Variants in SPAG16 observed in about 807,000 individuals in gnomAD.
SPAG16 encodes the protein sperm-associated antigen 16 protein.
A neutral mutation model predicts 80.4 loss-of-function variants in SPAG16; 86 were observed. That is an observed-to-expected ratio of 1.07 (90% CI 0.90 to 1.28). SPAG16 has a LOEUF of 1.28. SPAG16 is among the 50% of genes most tolerant of loss of function. The pLI is 0.00. For missense variants in SPAG16, 870 were observed against 765.3 expected (o/e 1.14, Z -1.61); for synonymous variants, 294 against 265.9 (o/e 1.11, Z -1.03).
chr2:213,509,464 T>C (rs1200190448), intron 10 of SPAG16, among the ~76,000 whole-genome samples: 2 of 152,212 alleles, frequency 1.3e-5, no homozygotes, highest in East Asian at 3.8e-4. Context: ...CAGTTTTATT[T>C]ATCTACCCAT....
At chr2:213,992,840 T>C (rs2046349891) in intron 12 of SPAG16, among the ~76,000 whole-genome samples, 2 of 152,220 alleles carry the variant, frequency 1.3e-5, no homozygotes, top group South Asian at 4.1e-4. Context: ...GTTGGCCTTA[T>C]AATACAGATG....
At chr2:214,105,273 G>A (rs77893936) in intron 13 of SPAG16, among the ~76,000 whole-genome samples, 1,574 of 152,238 alleles carry the variant, frequency 0.01, 23 homozygotes, top group African/African-American at 0.035. Flanking sequence ...TCAGGGAGAA[G>A]TAAGGGTGGA....
chr2:214,316,459 T>G (rs955351939), intron 15 of SPAG16, among the ~76,000 whole-genome samples: 1 of 152,138 alleles, frequency 6.6e-6, no homozygotes, highest in Admixed American at 6.5e-5. Flanking sequence ...TATAATGCTA[T>G]TGGTCAAAAA....
intron 13 of SPAG16, among the ~76,000 whole-genome samples, chr2:214,018,474 G>A (rs1465918698): frequency 1.3e-5 from 2 of 152,170 alleles, no homozygotes; most frequent in East Asian, 3.9e-4. Context: ...AACCAGATTA[G>A]CTAAAGTTTT....
intron 15 of SPAG16, among the ~76,000 whole-genome samples, chr2:214,375,837 C>T (rs1182090394): frequency 1.3e-5 from 2 of 152,044 alleles, no homozygotes; most frequent in East Asian, 1.9e-4. Flanking sequence ...GTGGTTACCT[C>T]TGGAATGAGA....
chr2:213,343,262 C>T (rs183605977), intron 6 of SPAG16, among the ~76,000 whole-genome samples: 29 of 152,170 alleles, frequency 1.9e-4, no homozygotes, highest in African/African-American at 6.7e-4. Context: ...ACTTAATATC[C>T]TCCACAAGCC....
chr2:213,919,794 G>C (rs143535244), intron 11 of SPAG16, among the ~76,000 whole-genome samples: 298 of 152,254 alleles, frequency 2.0e-3, no homozygotes, highest in African/African-American at 6.9e-3. Flanking sequence ...GAGTTCTGTA[G>C]ATATCTATCA....
At chr2:214,163,675 T>C (rs192951627) in intron 15 of SPAG16, among the ~76,000 whole-genome samples, 24 of 151,656 alleles carry the variant, frequency 1.6e-4, no homozygotes, top group African/African-American at 5.1e-4. Flanking sequence ...GGAAAAGATT[T>C]ATTTTAAGGA....
At chr2:213,668,812 C>A (rs956794893) in intron 10 of SPAG16, among the ~76,000 whole-genome samples, 1 of 151,928 alleles carries the variant, frequency 6.6e-6, no homozygotes, top group African/African-American at 2.4e-5. Context: ...CCACGCCCAG[C>A]TAATTTTTTG....
chr2:213,345,231 GT>G (rs2064912144), intron 6 of SPAG16, among the ~76,000 whole-genome samples: 1 of 147,116 alleles, frequency 6.8e-6, no homozygotes, highest in South Asian at 2.2e-4. Context: ...GGGGTTGTTT[GT>G]TTTTTTCTTG....
chr2:213,911,965 A>G (rs2106169822), intron 11 of SPAG16, among the ~76,000 whole-genome samples: 1 of 152,260 alleles, frequency 6.6e-6, no homozygotes, highest in Non-Finnish European at 1.5e-5. Context: ...AGGATGTACA[A>G]TCAATATGCA....
intron 10 of SPAG16, among the ~76,000 whole-genome samples, chr2:213,727,583 T>C (rs1005772991): frequency 1.3e-5 from 2 of 152,148 alleles, no homozygotes; most frequent in African/African-American, 4.8e-5. Context: ...CGTGGAAATG[T>C]TTCTACATAG....
At chr2:213,742,896 T>G (rs1216942811) in intron 10 of SPAG16, among the ~76,000 whole-genome samples, 1 of 150,610 alleles carries the variant, frequency 6.6e-6, no homozygotes, top group African/African-American at 2.5e-5. Context: ...TTGCCAGTAT[T>G]TAACATGCCG....
intron 10 of SPAG16, among the ~76,000 whole-genome samples, chr2:213,812,960 C>T (rs2072274709): frequency 6.6e-6 from 1 of 151,960 alleles, no homozygotes; most frequent in Admixed American, 6.6e-5. Context: ...AAGAAACAGC[C>T]TTCAATTCAT....
chr2:213,322,531 C>A (rs2063670041), intron 5 of SPAG16, among the ~76,000 whole-genome samples: 1 of 151,920 alleles, frequency 6.6e-6, no homozygotes, highest in African/African-American at 2.4e-5. Flanking sequence ...GTTTTTATTC[C>A]TATCTTCCCT....
intron 14 of SPAG16, among the ~76,000 whole-genome samples, chr2:214,131,360 A>G (rs1159319000): frequency 6.7e-6 from 1 of 149,216 alleles, no homozygotes; most frequent in Non-Finnish European, 1.5e-5. Context: ...ACAGAGCAAG[A>G]CCCTAACTCA....
intron 8 of SPAG16, among the ~76,000 whole-genome samples, chr2:213,366,408 A>C (rs1446255637): frequency 6.6e-6 from 1 of 151,358 alleles, no homozygotes; most frequent in Non-Finnish European, 1.5e-5. Flanking sequence ...TTTTTTTTTT[A>C]ATTTATAAAG....
chr2:214,158,725 A>T lies in SPAG16; in HGVS notation c.1720+9459A>T. 2.6e-5 allele frequency among the ~76,000 whole-genome samples: 4 copies of T among 152,128 alleles called. No homozygotes were observed. The South Asian group carries it at 8.3e-4, about 31-fold the overall frequency. The stretch of plus-strand genomic sequence containing the variant: ...TTTTGTTTAGCGCTCTGATACAGTT[A>T]CATAAAAGTATAATTGTAATAATAT... On this transcript the variant is annotated intron_variant, in intron 15 of 15. Transcript: ENST00000331683.
At chr2:213,985,625 A>G (rs2045962677) in intron 12 of SPAG16, among the ~76,000 whole-genome samples, 1 of 152,132 alleles carries the variant, frequency 6.6e-6, no homozygotes, top group Non-Finnish European at 1.5e-5. Flanking sequence ...CATCAAAGTC[A>G]AGTGGACAGA....
Sources: allele counts gnomAD v4.1 joint callset (sites outside exome capture counted in the v4.1 genomes callset), GRCh38; gene constraint gnomAD v4.1.1; transcripts MANE v1.5; gene names NCBI Gene and HGNC (gene_info 2026-07-23, HGNC 2026-07-21).